Variants in SDK1 observed in about 807,000 individuals in gnomAD.
The protein encoded by SDK1 is sidekick cell adhesion molecule 1.
In SDK1, 157 loss-of-function variants were observed where a neutral mutation model predicts 245.5. The ratio of observed to expected loss-of-function variants is 0.64; its 90% confidence interval spans 0.56 to 0.73. SDK1 has a LOEUF of 0.73. Among genes scored for constraint, SDK1 ranks in the 30% least tolerant of loss-of-function variants. SDK1 has a pLI of 0.00. For missense variants in SDK1, 3,583 were observed against 3,002.3 expected, an observed-to-expected ratio of 1.19 and a Z score of -4.52; for synonymous variants, 1,647 against 1,278.5, an observed-to-expected ratio of 1.29 and a Z score of -6.15.
intron 31 of SDK1, among the ~76,000 whole-genome samples, chr7:4,159,848 G>C (rs1781003039): frequency 1.3e-5 from 2 of 152,260 alleles, no homozygotes; most frequent in South Asian, 4.1e-4. Context: ...GATTACTCAT[G>C]AGAGCTCCTA....
At chr7:3,959,986 G>GT (rs1461983531) in intron 8 of SDK1, among the ~76,000 whole-genome samples, 1 of 152,092 alleles carries the variant, frequency 6.6e-6, no homozygotes, top group Non-Finnish European at 1.5e-5. Context: ...AGCTGTGTTT[G>GT]TATTCTGGCA....
At chr7:3,359,773 T>A (rs1780903462) in intron 1 of SDK1, among the ~76,000 whole-genome samples, 1 of 152,138 alleles carries the variant, frequency 6.6e-6, no homozygotes, top group African/African-American at 2.4e-5. Flanking sequence ...ATTGTGGAAC[T>A]CTTTGGGGGA....
chr7:3,403,192 C>T (rs1778937451), intron 1 of SDK1, among the ~76,000 whole-genome samples: 1 of 152,112 alleles, frequency 6.6e-6, no homozygotes, highest in African/African-American at 2.4e-5. Context: ...CCTTAGCCTC[C>T]CAAAGTGTTG....
At chr7:3,479,612 C>G (rs1781452233) in intron 1 of SDK1, among the ~76,000 whole-genome samples, 1 of 151,604 alleles carries the variant, frequency 6.6e-6, no homozygotes, top group African/African-American at 2.4e-5. Flanking sequence ...GCCTGTAATC[C>G]CAGCACTTTG....
chr7:3,536,962 A>AT (rs570280790), intron 1 of SDK1, among the ~76,000 whole-genome samples: 1 of 152,110 alleles, frequency 6.6e-6, no homozygotes, highest in African/African-American at 2.4e-5. Flanking sequence ...CATTAAAAAT[A>AT]TTTTTTTCTT....
At chr7:3,340,721 C>G (rs1780324555) in intron 1 of SDK1, among the ~76,000 whole-genome samples, 1 of 150,496 alleles carries the variant, frequency 6.6e-6, no homozygotes, top group Non-Finnish European at 1.5e-5. Context: ...TGAGATTGGA[C>G]CACTGCACTC....
chr7:3,322,354 A>G (rs555328198), intron 1 of SDK1, among the ~76,000 whole-genome samples: 1 of 152,164 alleles, frequency 6.6e-6, no homozygotes, highest in Non-Finnish European at 1.5e-5. Context: ...CATTGTATGT[A>G]TGTGCCACAG....
At chr7:3,343,982 A>G (rs1350846068) in intron 1 of SDK1, among the ~76,000 whole-genome samples, 1 of 151,484 alleles carries the variant, frequency 6.6e-6, no homozygotes, top group Non-Finnish European at 1.5e-5. Context: ...GTGAAGGTGT[A>G]CAGACACTAA....
At chr7:3,599,632 A>G (rs1221389799) in intron 1 of SDK1, among the ~76,000 whole-genome samples, 4 of 152,184 alleles carry the variant, frequency 2.6e-5, no homozygotes, top group Admixed American at 6.5e-5. Flanking sequence ...TTTAATTTGT[A>G]TAGAAGGTGT....
In SDK1 at chr7:4,227,408, G is replaced by C. The variant is rs947129856; in HGVS notation, c.5828-5847G>C. ...ATGCATTTTGCCTCCTGCCTTGAAT[G>C]AGGATCCGATGGAAGGTAACTGTCT... On this transcript the variant is annotated intron_variant, in intron 40 of 44. Coordinates refer to ENST00000404826, the MANE Select transcript of SDK1 (RefSeq NM_152744.4). 1.1e-5 allele frequency: 5 copies of C among 471,232 alleles called. No homozygotes were observed. The Admixed American group carries it at 1.2e-4, about 11-fold the overall frequency. 29.2% of individuals were successfully genotyped at this position (471,232 alleles called of 1,614,324 possible).
intron 30 of SDK1, among the ~76,000 whole-genome samples, chr7:4,152,059 T>C (rs1780419502): frequency 1.3e-5 from 2 of 152,226 alleles, no homozygotes; most frequent in Non-Finnish European, 2.9e-5. Flanking sequence ...GGCTGCCTGC[T>C]AGGACTCTGT....
At chr7:3,958,282 T>G (rs923211305) in intron 7 of SDK1, 6 of 284,894 alleles carry the variant, frequency 2.1e-5, no homozygotes, top group Non-Finnish European at 4.1e-5. Flanking sequence ...TGGAAAAATG[T>G]TGCAATTGGC....
chr7:4,060,802 T>G (rs1037643660), intron 19 of SDK1, among the ~76,000 whole-genome samples: 1 of 152,208 alleles, frequency 6.6e-6, no homozygotes, highest in Non-Finnish European at 1.5e-5. Context: ...TTAATCCATC[T>G]TGAATTGATT....
At chr7:3,945,716 G>A (rs558330415) in intron 5 of SDK1, among the ~76,000 whole-genome samples, 1 of 151,826 alleles carries the variant, frequency 6.6e-6, no homozygotes, top group South Asian at 2.1e-4. Context: ...TGGCTAACAT[G>A]GTGAAACCCT....
At chr7:3,662,299 C>G (rs10951272) in intron 4 of SDK1, among the ~76,000 whole-genome samples, 1 of 151,958 alleles carries the variant, frequency 6.6e-6, no homozygotes, top group Non-Finnish European at 1.5e-5. Context: ...GAACATCTCA[C>G]AATACTCTTC....
chr7:4,029,685 C>T (rs913985216), intron 17 of SDK1, among the ~76,000 whole-genome samples: 1 of 152,166 alleles, frequency 6.6e-6, no homozygotes, highest in African/African-American at 2.4e-5. Flanking sequence ...TGATCAGCCA[C>T]CACTTGGAGG....
At chr7:4,057,153 C>T (rs897662527) in intron 19 of SDK1, among the ~76,000 whole-genome samples, 1 of 152,222 alleles carries the variant, frequency 6.6e-6, no homozygotes, top group Admixed American at 6.5e-5. Flanking sequence ...ATTGCCAGCC[C>T]TACCAAGTGT....
In SDK1 at chr7:4,061,908, C is replaced by T. The variant is rs919056896; in HGVS notation, c.2912-5930C>T. ...CAAAAAACCAAACACGGCATATTCT[C>T]ACTCATAGGTGGGAATTGAACAGTG... On this transcript the variant is annotated intron_variant, in intron 19 of 44. Transcript: ENST00000404826. Among the ~76,000 whole-genome samples the T allele has an allele frequency of 1.8e-3, 266 of 143,864 alleles. 1 individual carries two copies. Among genetic ancestry groups the T allele is most frequent in the Non-Finnish European group, 2.7e-3 (179 of 67,288 alleles). The allele number at this position is 143,864 out of a possible 152,430, so 94.4% of individuals were successfully genotyped here. A position where few individuals can be genotyped will look rare whatever the true frequency, so the allele number is the denominator to read the frequency against.
intron 35 of SDK1, among the ~76,000 whole-genome samples, chr7:4,182,516 C>T (rs1782657913): frequency 6.6e-6 from 1 of 152,178 alleles, no homozygotes; most frequent in African/African-American, 2.4e-5. Flanking sequence ...AGGGACGTGT[C>T]CTGGAGACAG....
Sources: gnomAD v4.1 joint callset for allele counts (sites outside exome capture counted in the v4.1 genomes callset) on GRCh38, gnomAD v4.1.1 for gene constraint, MANE v1.5 for transcripts, NCBI Gene and HGNC (gene_info 2026-07-23, HGNC 2026-07-21) for gene names.